PHACTR3: variants seen among roughly 807,000 people sequenced by gnomAD.
PHACTR3 encodes the protein protein phosphatase 1, regulatory subunit 123.
A neutral mutation model predicts 66.8 loss-of-function variants in PHACTR3; 16 were observed. The ratio of observed to expected loss-of-function variants is 0.24; its 90% CI spans 0.16 to 0.36. The LOEUF (loss-of-function observed/expected upper bound fraction) is 0.36, where lower values mean the gene tolerates loss of function less well. Ranked by LOEUF, PHACTR3 falls within the 10% of genes least tolerant of loss-of-function variation. PHACTR3 has a pLI of 1.00. For synonymous variants in PHACTR3, 323 were observed against 292.1 expected, an observed-to-expected ratio of 1.11 and a Z score of -1.08; for missense variants, 647 against 719.9, an observed-to-expected ratio of 0.90 and a Z score of 1.16.
At chr20:59,815,960 G>A (rs1214450747) in intron 8 of PHACTR3, among the ~76,000 whole-genome samples, 2 of 152,094 alleles carry the variant, frequency 1.3e-5, no homozygotes, top group African/African-American at 2.4e-5. Flanking sequence ...TTTTTCCATG[G>A]ACCAGGGAGG....
chr20:59,657,720 T>C (rs1485506309), intron 1 of PHACTR3, among the ~76,000 whole-genome samples: 1 of 152,184 alleles, frequency 6.6e-6, no homozygotes, highest in Non-Finnish European at 1.5e-5. Context: ...TTTCTCTTGC[T>C]ATTTTCATGA....
intron 1 of PHACTR3, among the ~76,000 whole-genome samples, chr20:59,682,729 T>C (rs1313269790): frequency 6.6e-6 from 1 of 152,134 alleles, no homozygotes; most frequent in Admixed American, 6.5e-5. Flanking sequence ...GCAAGAGCCT[T>C]TGGGGCAAAG....
chr20:59,608,928 A>G (rs560469370), intron 1 of PHACTR3, among the ~76,000 whole-genome samples: 40 of 152,320 alleles, frequency 2.6e-4, no homozygotes, highest in Non-Finnish European at 4.6e-4. Context: ...GGGCTTGACC[A>G]TCACCTGAAG....
intron 1 of PHACTR3, chr20:59,628,236 A>C (rs531893181): frequency 2.6e-5 from 4 of 152,218 alleles, no homozygotes; most frequent in African/African-American, 9.6e-5. Flanking sequence ...AGTACTTGGG[A>C]GCTCCGAGCC....
At chr20:59,643,825 G>A (rs2035188800) in intron 1 of PHACTR3, among the ~76,000 whole-genome samples, 1 of 152,076 alleles carries the variant, frequency 6.6e-6, no homozygotes, top group African/African-American at 2.4e-5. Context: ...AGGGGGGTGG[G>A]GATAGAAGGC....
At chr20:59,819,765 A>T (rs559708535) in intron 8 of PHACTR3, among the ~76,000 whole-genome samples, 1 of 151,284 alleles carries the variant, frequency 6.6e-6, no homozygotes, top group Non-Finnish European at 1.5e-5. Context: ...CTGTCCCGGT[A>T]CTGGCCACCC....
chr20:59,791,996 T>G (rs1381944614), intron 7 of PHACTR3, among the ~76,000 whole-genome samples: 1 of 152,144 alleles, frequency 6.6e-6, no homozygotes, highest in Non-Finnish European at 1.5e-5. Flanking sequence ...AGAAGACTGA[T>G]GTGAGATCTG....
chr20:59,729,811 A>G (rs536647479), intron 1 of PHACTR3, among the ~76,000 whole-genome samples: 1 of 152,328 alleles, frequency 6.6e-6, no homozygotes, highest in African/African-American at 2.4e-5. Flanking sequence ...AGCAGCCCTG[A>G]TGACATCAGA....
chr20:59,738,003 G>A lies in PHACTR3; in HGVS notation c.119-5104G>A, dbSNP rs1012856945. The stretch of plus-strand genomic sequence containing the variant: ...CTCCAGCCACTAGGGCAGAAGTGGG[G>A]GGAGGCAGCTGATTAAAATAGTGCA... On this transcript the variant is annotated intron_variant, in intron 1 of 12. Transcript: ENST00000371015. The surrounding 1 kb of genome is among the most constrained non-coding windows in gnomAD (Gnocchi z 4.4). Among the ~76,000 whole-genome samples, 1 of 152,138 alleles carries A rather than the reference G, an allele frequency of 6.6e-6. No individual in the cohort carries two copies. Among genetic ancestry groups the A allele is most frequent in the Non-Finnish European group, 1.5e-5 (1 of 68,020 alleles).
At chr20:59,723,371 G>A (rs2038421309) in intron 1 of PHACTR3, among the ~76,000 whole-genome samples, 1 of 152,052 alleles carries the variant, frequency 6.6e-6, no homozygotes, top group Admixed American at 6.5e-5. Flanking sequence ...ATCGTACAGT[G>A]TGGGGTGTGC....
chr20:59,836,941 C>A (rs2058978380), intron 9 of PHACTR3, among the ~76,000 whole-genome samples: 2 of 152,148 alleles, frequency 1.3e-5, no homozygotes. Context: ...TTGCCTGTTA[C>A]ACTTGGGAGG....
At chr20:59,626,877 A>G (rs886078403) in intron 1 of PHACTR3, 2 of 152,194 alleles carry the variant, frequency 1.3e-5, no homozygotes, top group Admixed American at 6.5e-5. Flanking sequence ...TGTGGCTTCA[A>G]TCAACCAGCA....
At chr20:59,577,875 T>C (rs2032758576) in intron 1 of PHACTR3, among the ~76,000 whole-genome samples, 1 of 152,030 alleles carries the variant, frequency 6.6e-6, no homozygotes, top group Non-Finnish European at 1.5e-5. Flanking sequence ...AGCGCTGGCG[T>C]TGGGGTCGAC....
chr20:59,806,481 G>A (rs150978817), intron 8 of PHACTR3, among the ~76,000 whole-genome samples: 2 of 152,354 alleles, frequency 1.3e-5, no homozygotes, highest in African/African-American at 2.4e-5. Flanking sequence ...CTCCTGGAGG[G>A]TGAATTGCTC....
chr20:59,724,901 A>C (rs1429902004), intron 1 of PHACTR3, among the ~76,000 whole-genome samples: 2 of 148,538 alleles, frequency 1.3e-5, no homozygotes, highest in Non-Finnish European at 3.0e-5. Context: ...GAGGCTGTGA[A>C]CCCACGTGGG....
rs2034119206 is a variant in PHACTR3 at position 59,618,598 on chromosome 20, G to T, written c.118+13466G>T. Among the ~76,000 whole-genome samples, 3 of 152,222 alleles carry T rather than the reference G, an allele frequency of 2.0e-5. No individual in the cohort carries two copies. The South Asian group carries it at 6.2e-4, about 31-fold the overall frequency. On this transcript the variant is annotated intron_variant, in intron 1 of 12. Coordinates refer to ENST00000371015, the MANE Select transcript of PHACTR3 (RefSeq NM_080672.5). ...AATCTCAGCTTGGAAGGGAAGGGCA[G>T]GAGAGGGAAGGGAAGGGTATGTGCC...
chr20:59,776,633 C>T (rs942742341), intron 7 of PHACTR3, among the ~76,000 whole-genome samples: 1 of 151,810 alleles, frequency 6.6e-6, no homozygotes, highest in African/African-American at 2.4e-5. Flanking sequence ...TCACGCCTGG[C>T]GTTAAAGGTA....
At chr20:59,728,754 C>G (rs1055775058) in intron 1 of PHACTR3, among the ~76,000 whole-genome samples, 12 of 151,994 alleles carry the variant, frequency 7.9e-5, no homozygotes, top group African/African-American at 2.9e-4. Flanking sequence ...CTGATTCCTT[C>G]CAAAGTATTT....
At position 59,622,996 on chromosome 20, in the gene PHACTR3, A is replaced by AAAAAAAAAAAAAAAAAAAAAAC. The variant is rs1568940612; in HGVS notation, c.118+17869_118+17870insAAAAAAAAAAAAAAAACAAAAA. On this transcript the variant is annotated intron_variant, in intron 1 of 12. Coordinates refer to ENST00000371015, the MANE Select transcript of PHACTR3 (RefSeq NM_080672.5). ...CAGCTTTAACCAAAAAAAAAAAAAA[A>AAAAAAAAAAAAAAAAAAAAAAC]AAAAACCCAAATCTTCAGCAAACAC... 5.5e-5 allele frequency among the ~76,000 whole-genome samples: 8 copies of AAAAAAAAAAAAAAAAAAAAAAC among 146,536 alleles called. 1 individual carries two copies. The highest frequency in any genetic ancestry group is 2.0e-4 in the African/African-American group (8 of 39,216).
Sources: allele counts gnomAD v4.1 joint callset (sites outside exome capture counted in the v4.1 genomes callset), GRCh38; gene constraint gnomAD v4.1.1; non-coding constraint Gnocchi (gnomAD v3.1); transcripts MANE v1.5; gene names NCBI Gene and HGNC (gene_info 2026-07-23, HGNC 2026-07-21).